The following NRXN3 variants were observed in gnomAD, a reference collection of about 807,000 sequenced individuals.
The protein encoded by NRXN3 is neurexin III.
In NRXN3, 32 loss-of-function variants were observed where a neutral mutation model predicts 137.6. That is an observed-to-expected ratio of 0.23 (90% CI 0.18 to 0.31). The LOEUF is 0.31. Ranked by LOEUF, NRXN3 falls within the 10% of genes least tolerant of loss-of-function variation. The pLI is 1.00. For missense variants in NRXN3, 1,574 were observed against 2,062.5 expected, an observed-to-expected ratio of 0.76 and a Z score of 4.59; for synonymous variants, 798 against 784.5, an observed-to-expected ratio of 1.02 and a Z score of -0.29.
At chr14:78,774,845 G>A (rs1354011955) in intron 8 of NRXN3, among the ~76,000 whole-genome samples, 11 of 152,048 alleles carry the variant, frequency 7.2e-5, no homozygotes, top group African/African-American at 2.7e-4. Context: ...GATTGCTTGA[G>A]CCAAGGGTTT....
intron 10 of NRXN3, among the ~76,000 whole-genome samples, chr14:78,872,060 T>C (rs1326601158): frequency 6.6e-6 from 1 of 151,946 alleles, no homozygotes. Flanking sequence ...TTCACTCTTT[T>C]AGTTGTTTCT....
rs1252297853 is a variant in NRXN3, at chr14:79,317,483, C to G, written c.3263-149738C>G. 2.0e-5 allele frequency among the ~76,000 whole-genome samples: 3 copies of G among 152,168 alleles called. No homozygotes were observed. In the East Asian group the frequency reaches 5.8e-4, roughly 29 times the overall value. On this transcript the variant is annotated intron_variant, in intron 15 of 20. Coordinates refer to ENST00000335750, the MANE Select transcript of NRXN3 (RefSeq NM_001330195.2). ...GACTTATCCTACTATCCTACTATGT[C>G]TATCCTACTCCAATATGACCTTATC...
At chr14:79,214,960 A>G (rs12147298) in intron 15 of NRXN3, among the ~76,000 whole-genome samples, 20,671 of 152,132 alleles carry the variant, frequency 0.14, 1,878 homozygotes, top group Non-Finnish European at 0.19. Flanking sequence ...GGAGGCAGAT[A>G]ATGGTAATTG....
chr14:79,651,808 A>C (rs2098477423), intron 16 of NRXN3, among the ~76,000 whole-genome samples: 1 of 152,182 alleles, frequency 6.6e-6, no homozygotes, highest in Non-Finnish European at 1.5e-5. Flanking sequence ...CAGAGCTAGA[A>C]GATCTTTCCT....
At chr14:79,441,689 A>G (rs1440811643) in intron 15 of NRXN3, among the ~76,000 whole-genome samples, 1 of 151,962 alleles carries the variant, frequency 6.6e-6, no homozygotes, top group East Asian at 1.9e-4. Context: ...CGACAAACAG[A>G]AAATCTTAGA....
intron 19 of NRXN3, among the ~76,000 whole-genome samples, chr14:79,765,783 G>A (rs1016474940): frequency 1.7e-4 from 26 of 152,200 alleles, no homozygotes; most frequent in African/African-American, 4.8e-4. Context: ...CTTCTCTGGC[G>A]GTGTGAGACC....
chr14:78,617,785 G>A (rs1257441155), intron 4 of NRXN3, among the ~76,000 whole-genome samples: 1 of 151,810 alleles, frequency 6.6e-6, no homozygotes, highest in Non-Finnish European at 1.5e-5. Flanking sequence ...CAAAACATAC[G>A]TACAAAGTAT....
At chr14:79,806,328 A>T (rs2099205057) in intron 20 of NRXN3, among the ~76,000 whole-genome samples, 1 of 152,180 alleles carries the variant, frequency 6.6e-6, no homozygotes, top group Non-Finnish European at 1.5e-5. Flanking sequence ...GATTTACAAG[A>T]TTTCAAATCT....
chr14:79,170,706 T>G (rs888728892), intron 15 of NRXN3, among the ~76,000 whole-genome samples: 2 of 152,146 alleles, frequency 1.3e-5, no homozygotes, highest in African/African-American at 4.8e-5. Flanking sequence ...TCTCTGCACA[T>G]TTGTTTCTGC....
chr14:79,317,219 C>T (rs573985372), intron 15 of NRXN3, among the ~76,000 whole-genome samples: 7 of 151,764 alleles, frequency 4.6e-5, no homozygotes, highest in South Asian at 2.1e-4. Flanking sequence ...GTGACAAGAG[C>T]GAGGCTACTT....
At chr14:78,389,305 C>G (rs529996074) in intron 4 of NRXN3, among the ~76,000 whole-genome samples, 1 of 152,224 alleles carries the variant, frequency 6.6e-6, no homozygotes, top group East Asian at 1.9e-4. Context: ...ATCCGTCCTC[C>G]TCAGCCTCCC....
chr14:78,776,987 C>A (rs2098746744), intron 8 of NRXN3, among the ~76,000 whole-genome samples: 1 of 152,174 alleles, frequency 6.6e-6, no homozygotes, highest in African/African-American at 2.4e-5. Flanking sequence ...ACTTTGAAAA[C>A]CACTGGTCTA....
At chr14:79,233,160 C>A (rs1333532779) in intron 15 of NRXN3, among the ~76,000 whole-genome samples, 1 of 152,148 alleles carries the variant, frequency 6.6e-6, no homozygotes, top group African/African-American at 2.4e-5. Flanking sequence ...TAAGTTCTAG[C>A]AGCAAGTCTT....
intron 16 of NRXN3, chr14:79,570,639 T>C (rs1029026350): frequency 6.6e-6 from 1 of 152,152 alleles, no homozygotes; most frequent in African/African-American, 2.4e-5. Flanking sequence ...AAATTGGAAA[T>C]TGTCTTTAAT....
intron 16 of NRXN3, among the ~76,000 whole-genome samples, chr14:79,520,504 C>T (rs2097053554): frequency 6.6e-6 from 1 of 152,170 alleles, no homozygotes; most frequent in African/African-American, 2.4e-5. Context: ...TCCATGTGTT[C>T]TCATTGTTCA....
At position 79,507,789 on chromosome 14, in the gene NRXN3, A is replaced by G. The variant is rs8008318; in HGVS notation, c.3444+40387A>G. 2.1e-3 allele frequency among the ~76,000 whole-genome samples: 321 copies of G among 152,252 alleles called. 7 individuals are homozygous for G. In the East Asian group the frequency reaches 0.027, roughly 13 times the overall value. On this transcript the variant is annotated intron_variant, in intron 16 of 20. Coordinates refer to ENST00000335750, the MANE Select transcript of NRXN3 (RefSeq NM_001330195.2). ...ATAAAGAGCTATTCTCAACTTGACT[A>G]TTATACCTTGGCCTTCATTCCCTAA... is the stretch of plus-strand genomic sequence containing the variant.
intron 16 of NRXN3, among the ~76,000 whole-genome samples, chr14:79,509,982 C>T (rs757775397): frequency 6.7e-5 from 10 of 150,074 alleles, no homozygotes; most frequent in East Asian, 2.0e-4. Flanking sequence ...GATCTCAACC[C>T]GCCTGTCACT....
At chr14:79,174,518 T>TATATATATATAC (rs766756150) in intron 15 of NRXN3, among the ~76,000 whole-genome samples, 4 of 148,442 alleles carry the variant, frequency 2.7e-5, no homozygotes, top group Admixed American at 6.8e-5. Flanking sequence ...TATATATATA[T>TATATATATATAC]ACACACACAT....
intron 4 of NRXN3, among the ~76,000 whole-genome samples, chr14:78,464,457 T>C (rs1009718939): frequency 2.0e-5 from 3 of 152,162 alleles, no homozygotes; most frequent in South Asian, 4.1e-4. Flanking sequence ...TAGAATCATA[T>C]AGGTGAGAGA....
Sources: allele counts gnomAD v4.1 joint callset (sites outside exome capture counted in the v4.1 genomes callset), GRCh38; gene constraint gnomAD v4.1.1; transcripts MANE v1.5; gene names NCBI Gene and HGNC (gene_info 2026-07-23, HGNC 2026-07-21).